Variants in LYPLAL1 observed in about 807,000 individuals in gnomAD.
LYPLAL1 encodes the protein lysophospholipase-like protein 1.
A neutral mutation model predicts 19.7 loss-of-function variants in LYPLAL1; 23 were observed. The ratio of observed to expected loss-of-function variants is 1.17; its 90% CI spans 0.84 to 1.65. The LOEUF (loss-of-function observed/expected upper bound fraction) is 1.65. LYPLAL1 is among the 40% of genes most tolerant of loss of function. The pLI is 0.00. For missense variants in LYPLAL1, 355 were observed against 279.4 expected (o/e 1.27, Z -1.93); for synonymous variants, 119 against 96.3 (o/e 1.24, Z -1.38).
At chr1:219,382,165 G>C in the LYPLAL1 span, among the ~76,000 whole-genome samples, 1 of 152,282 alleles carries the variant, frequency 6.6e-6, no homozygotes, top group South Asian at 2.1e-4. Flanking sequence ...TTTTGTATAA[G>C]GTTGCCCTCT....
chr1:219,357,361 G>C, the LYPLAL1 span, among the ~76,000 whole-genome samples: 1 of 151,906 alleles, frequency 6.6e-6, no homozygotes, highest in Admixed American at 6.6e-5. Context: ...ATACTAGAAA[G>C]ACATGAAATC....
At chr1:219,207,201 C>T (rs1658643508) in intron 3 of LYPLAL1, among the ~76,000 whole-genome samples, 1 of 18,768 alleles carries the variant, frequency 5.3e-5, no homozygotes, top group African/African-American at 9.4e-5. Context: ...TTATCTATCG[C>T]GTGTGGATTT....
intron 2 of LYPLAL1, 38 bp downstream of exon 2, chr1:219,179,284 G>C: frequency 7.0e-7 from 1 of 1,427,934 alleles, no homozygotes; most frequent in Non-Finnish European, 9.8e-7. Context: ...ATATAACTCT[G>C]TGGCATAAAA....
At chr1:219,257,767 A>C in the LYPLAL1 span, among the ~76,000 whole-genome samples, 2 of 152,012 alleles carry the variant, frequency 1.3e-5, no homozygotes, top group Non-Finnish European at 1.5e-5. Context: ...CATCTTAAAC[A>C]ACAGAAAACA....
the LYPLAL1 span, among the ~76,000 whole-genome samples, chr1:219,412,782 A>G: frequency 0.25 from 38,277 of 152,138 alleles, 5,201 homozygotes; most frequent in African/African-American, 0.36. Context: ...TGTTACCGAC[A>G]CAGGCAAGAT....
intron 3 of LYPLAL1, among the ~76,000 whole-genome samples, chr1:219,209,179 G>A (rs891593954): frequency 5.9e-5 from 9 of 152,008 alleles, no homozygotes; most frequent in Non-Finnish European, 1.2e-4. Context: ...GCTACGATAA[G>A]AACTTATTAT....
the LYPLAL1 span, among the ~76,000 whole-genome samples, chr1:219,408,684 G>T: frequency 2.6e-5 from 4 of 152,052 alleles, no homozygotes; most frequent in African/African-American, 7.2e-5. Context: ...TCAAGGAGAA[G>T]ATTGAGCTTG....
At chr1:219,330,611 G>T in the LYPLAL1 span, among the ~76,000 whole-genome samples, 1 of 152,092 alleles carries the variant, frequency 6.6e-6, no homozygotes, top group African/African-American at 2.4e-5. Flanking sequence ...TGATTCAATT[G>T]TATGCTAAGC....
chr1:219,352,470 A>G, the LYPLAL1 span, among the ~76,000 whole-genome samples: 1 of 152,178 alleles, frequency 6.6e-6, no homozygotes, highest in African/African-American at 2.4e-5. Flanking sequence ...GTAAGCCGAG[A>G]TCGCGCCACT....
the LYPLAL1 span, among the ~76,000 whole-genome samples, chr1:219,291,663 C>T: frequency 2.0e-5 from 3 of 152,064 alleles, no homozygotes. Context: ...TAAGATTTCT[C>T]CCCCAACCTC....
chr1:219,206,907 T>C (rs1259191213), intron 3 of LYPLAL1, among the ~76,000 whole-genome samples: 1 of 152,032 alleles, frequency 6.6e-6, no homozygotes, highest in Non-Finnish European at 1.5e-5. Flanking sequence ...CATTTTATCT[T>C]TTAATGATCT....
chr1:219,307,329 G>A, the LYPLAL1 span, among the ~76,000 whole-genome samples: 1 of 152,118 alleles, frequency 6.6e-6, no homozygotes, highest in South Asian at 2.1e-4. Flanking sequence ...GTTCAGTGGT[G>A]ACATTAGCCA....
the LYPLAL1 span, among the ~76,000 whole-genome samples, chr1:219,263,724 CT>C: frequency 6.6e-6 from 1 of 152,144 alleles, no homozygotes; most frequent in Admixed American, 6.5e-5. Context: ...GCTGCTTCTT[CT>C]GCTTTAATAT....
chr1:219,183,488 A>G (rs1656463311), intron 2 of LYPLAL1, among the ~76,000 whole-genome samples: 1 of 152,070 alleles, frequency 6.6e-6, no homozygotes. Flanking sequence ...TTGATAAATT[A>G]TAGTACAGAG....
chr1:219,218,885 T>TC, the LYPLAL1 span, among the ~76,000 whole-genome samples: 1 of 152,128 alleles, frequency 6.6e-6, no homozygotes, highest in African/African-American at 2.4e-5. Flanking sequence ...CAACTGTGCC[T>TC]CCCGGGGTCC....
At chr1:219,362,231 T>C in the LYPLAL1 span, among the ~76,000 whole-genome samples, 12 of 152,126 alleles carry the variant, frequency 7.9e-5, no homozygotes, top group African/African-American at 2.4e-4. Flanking sequence ...GAAAATGATA[T>C]AGACATTTTG....
chr1:219,263,036 G>T, the LYPLAL1 span, among the ~76,000 whole-genome samples: 1 of 152,184 alleles, frequency 6.6e-6, no homozygotes, highest in Non-Finnish European at 1.5e-5. Context: ...CTTGCCCTAA[G>T]TTGGACAGGA....
At chr1:219,248,191 G>A in the LYPLAL1 span, among the ~76,000 whole-genome samples, 4 of 152,114 alleles carry the variant, frequency 2.6e-5, no homozygotes, top group Non-Finnish European at 1.5e-5. Context: ...TCTGTTTGAT[G>A]TCGACGAGGT....
At chr1:219,363,465 C>A in the LYPLAL1 span, among the ~76,000 whole-genome samples, 1 of 152,100 alleles carries the variant, frequency 6.6e-6, no homozygotes, top group Non-Finnish European at 1.5e-5. Context: ...TTTTCTTTTA[C>A]CTTTTTTTGA....
Sources: gnomAD v4.1 joint callset for allele counts (sites outside exome capture counted in the v4.1 genomes callset) on GRCh38, gnomAD v4.1.1 for gene constraint, MANE v1.5 for transcripts, NCBI Gene and HGNC (gene_info 2026-07-23, HGNC 2026-07-21) for gene names.